Variants in ECT2 observed in about 807,000 individuals in gnomAD.
ECT2 encodes the protein epithelial cell transforming 2.
In ECT2, 61 loss-of-function variants were observed where a neutral mutation model predicts 116.9. The ratio of observed to expected loss-of-function variants is 0.52; its 90% CI spans 0.42 to 0.65. The LOEUF (loss-of-function observed/expected upper bound fraction) is 0.65, where lower values mean the gene tolerates loss of function less well. Ranked by LOEUF, ECT2 falls within the 30% of genes least tolerant of loss-of-function variation. The pLI, the probability that ECT2 is intolerant of heterozygous loss-of-function variation, is 0.00. For synonymous variants in ECT2, 358 were observed against 346.4 expected, an observed-to-expected ratio of 1.03 and a Z score of -0.37; for missense variants, 937 against 1,078.7, an observed-to-expected ratio of 0.87 and a Z score of 1.84.
At chr3:172,796,462 A>C (rs1725664465) in intron 18 of ECT2, 1 of 152,192 alleles carries the variant, frequency 6.6e-6, no homozygotes, top group South Asian at 2.1e-4. Context: ...TTTCTTTATC[A>C]GCCATCTTCT....
chr3:172,786,482 T>C lies in ECT2; in HGVS notation c.1826-11T>C, dbSNP rs200777798. 3.2e-6 allele frequency: 5 copies of C among 1,583,252 alleles called. No individual in the cohort carries two copies. Among genetic ancestry groups the C allele is most frequent in the Non-Finnish European group, 2.6e-6 (3 of 1,157,070 alleles). Reference sequence around the variant, plus strand: ...TTTTTTATGCATGGAAAAAACATTGTATTATTACAGATCTTAAGAAGCATA... The same window carrying C: ...TTTTTTATGCATGGAAAAAACATTGCATTATTACAGATCTTAAGAAGCATA... On this transcript the variant is annotated splice_polypyrimidine_tract_variant and intron_variant, in intron 17 of 24. Coordinates refer to ENST00000392692, the MANE Select transcript of ECT2 (RefSeq NM_001258315.2).
intron 1 of ECT2, among the ~76,000 whole-genome samples, chr3:172,753,539 T>C (rs566127926): frequency 6.6e-6 from 1 of 152,346 alleles, no homozygotes; most frequent in South Asian, 2.1e-4. Flanking sequence ...TCAAACCTTT[T>C]AGGGGAGAGG....
At chr3:172,782,634 C>A (rs968440152) in intron 15 of ECT2, among the ~76,000 whole-genome samples, 4 of 152,002 alleles carry the variant, frequency 2.6e-5, no homozygotes, top group Non-Finnish European at 4.4e-5. Flanking sequence ...GTTTCGTCAC[C>A]CAGGCGTTAA....
chr3:172,765,362 A>C (rs1719157472), intron 12 of ECT2, among the ~76,000 whole-genome samples: 1 of 151,172 alleles, frequency 6.6e-6, no homozygotes, highest in African/African-American at 2.4e-5. Flanking sequence ...TCTCTATTGT[A>C]CTCTCCCTAA....
intron 18 of ECT2, among the ~76,000 whole-genome samples, chr3:172,789,286 C>G (rs930803123): frequency 3.4e-5 from 5 of 148,364 alleles, no homozygotes; most frequent in South Asian, 2.1e-4. Context: ...GTGGCACAGT[C>G]TCAACTCACT....
At chr3:172,824,702 T>C (rs1475440692), downstream of ECT2, among the ~76,000 whole-genome samples, 1 of 152,222 alleles carries the variant, frequency 6.6e-6, no homozygotes. Context: ...AATCACTCTA[T>C]ATCTGTATAT....
chr3:172,813,024 T>C (rs951198155), intron 22 of ECT2, among the ~76,000 whole-genome samples: 1 of 152,130 alleles, frequency 6.6e-6, no homozygotes, highest in Non-Finnish European at 1.5e-5. Context: ...CCTCAGTGCT[T>C]TGTTTCTTAC....
chr3:172,829,076 G>A, the ECT2 span: 3 of 702,604 alleles, frequency 4.3e-6, no homozygotes, highest in African/African-American at 5.3e-5. Context: ...GAACTCTCTG[G>A]GCTATTCAAG....
chr3:172,761,727 T>C (rs778538363), intron 8 of ECT2, 44 bp downstream of exon 8: 1 of 1,366,150 alleles, frequency 7.3e-7, no homozygotes, highest in African/African-American at 1.5e-5. Context: ...AAATTAAACA[T>C]TCTGGTTTAA....
At chr3:172,809,800 C>T (rs1226390980) in intron 22 of ECT2, among the ~76,000 whole-genome samples, 1 of 152,068 alleles carries the variant, frequency 6.6e-6, no homozygotes, top group African/African-American at 2.4e-5. Context: ...CGTGTCCGCT[C>T]ATTAATGATG....
At chr3:172,809,585 A>ACACACG (rs1391963981) in intron 22 of ECT2, among the ~76,000 whole-genome samples, 2 of 150,814 alleles carry the variant, frequency 1.3e-5, no homozygotes, top group African/African-American at 4.9e-5. Flanking sequence ...ACACACACAC[A>ACACACG]CACACACACA....
chr3:172,800,271 A>C, intron 18 of ECT2, among the ~76,000 whole-genome samples: 1 of 152,214 alleles, frequency 6.6e-6, no homozygotes, highest in East Asian at 1.9e-4. Context: ...CAGCTGCTTA[A>C]AATGGCCTAG....
At chr3:172,773,085 G>T (rs116311729) in intron 13 of ECT2, among the ~76,000 whole-genome samples, 1 of 152,094 alleles carries the variant, frequency 6.6e-6, no homozygotes, top group Non-Finnish European at 1.5e-5. Context: ...AGAAGCCCTG[G>T]AACTTTGATT....
chr3:172,758,048 C>G (rs1005303258), intron 5 of ECT2, among the ~76,000 whole-genome samples: 6 of 152,052 alleles, frequency 3.9e-5, no homozygotes, highest in African/African-American at 1.4e-4. Context: ...TTAGTAGAGA[C>G]AGGATTTCAC....
chr3:172,798,599 G>T (rs1726163586), intron 18 of ECT2, among the ~76,000 whole-genome samples: 1 of 152,058 alleles, frequency 6.6e-6, no homozygotes, highest in South Asian at 2.1e-4. Flanking sequence ...TTAAAATATT[G>T]TTGGTTCTTT....
chr3:172,795,800 T>A (rs555237128), intron 18 of ECT2, among the ~76,000 whole-genome samples: 16 of 152,274 alleles, frequency 1.1e-4, no homozygotes, highest in African/African-American at 3.8e-4. Context: ...AATGCCTGAG[T>A]CATATCCAAA....
chr3:172,826,727 C>T, the ECT2 span, among the ~76,000 whole-genome samples: 6 of 152,304 alleles, frequency 3.9e-5, no homozygotes, highest in Middle Eastern at 3.4e-3. Context: ...CAACCTTCAG[C>T]AACCACCAGC....
chr3:172,784,817 C>T lies in ECT2; in HGVS notation c.1825+14C>T. 7.1e-7 allele frequency: 1 copy of T among 1,405,126 alleles called. No individual in the cohort carries two copies. Among genetic ancestry groups the T allele is most frequent in the African/African-American group, 1.4e-5 (1 of 71,404 alleles). The allele number at this position is 1,405,126 out of a possible 1,614,324, so 87.0% of individuals were successfully genotyped here. Reference sequence around the variant, plus strand: ...TACTTTTAAATGGTACTTGTCTGATCTGTTTCAAACTACATCAGATATTTT... The same window carrying T: ...TACTTTTAAATGGTACTTGTCTGATTTGTTTCAAACTACATCAGATATTTT... On this transcript the variant is annotated intron_variant, in intron 17 of 24. Transcript: ENST00000392692.
At chr3:172,799,210 C>T (rs1419685520) in intron 18 of ECT2, among the ~76,000 whole-genome samples, 2 of 152,046 alleles carry the variant, frequency 1.3e-5, no homozygotes, top group East Asian at 1.9e-4. Flanking sequence ...CATAAAATTG[C>T]TAAAAATGGG....
Sources: gnomAD v4.1 joint callset for allele counts (sites outside exome capture counted in the v4.1 genomes callset) on GRCh38, gnomAD v4.1.1 for gene constraint, MANE v1.5 for transcripts, NCBI Gene and HGNC (gene_info 2026-07-23, HGNC 2026-07-21) for gene names.